Variants in DMXL1 observed in about 807,000 individuals in gnomAD.
The protein encoded by DMXL1 is dmX-like protein 1.
In DMXL1, 99 loss-of-function variants were observed where a neutral mutation model predicts 319.2. The observed-to-expected ratio is 0.31, with a 90% confidence interval of 0.26 to 0.37. DMXL1 has a LOEUF of 0.37. Among genes scored for constraint, DMXL1 ranks in the 10% least tolerant of loss-of-function variants. The probability of loss-of-function intolerance (pLI) is 1.00; values close to 1 mark genes in which losing one functional copy is unlikely to be tolerated. For synonymous variants in DMXL1, 1,385 were observed against 1,235.2 expected, an observed-to-expected ratio of 1.12 and a Z score of -2.54; for missense variants, 3,745 against 3,595.6, an observed-to-expected ratio of 1.04 and a Z score of -1.06.
At chr5:119,228,050 A>T (rs1473862442) in intron 38 of DMXL1, among the ~76,000 whole-genome samples, 1 of 152,250 alleles carries the variant, frequency 6.6e-6, no homozygotes, top group Admixed American at 6.5e-5. Context: ...TTTCAAAACC[A>T]TAATTATTAA....
At chr5:119,123,051 C>T (rs1052347063) in intron 9 of DMXL1, among the ~76,000 whole-genome samples, 70 of 152,208 alleles carry the variant, frequency 4.6e-4, no homozygotes, top group African/African-American at 1.2e-3. Context: ...TCTGCAGTCC[C>T]GGCACCTGGG....
intron 7 of DMXL1, among the ~76,000 whole-genome samples, 191 bp downstream of exon 7, chr5:119,116,527 G>T (rs1371269274): frequency 6.6e-6 from 1 of 152,172 alleles, no homozygotes; most frequent in African/African-American, 2.4e-5. Flanking sequence ...TAGGATAAGA[G>T]CCGTATTAAA....
intron 34 of DMXL1, among the ~76,000 whole-genome samples, chr5:119,208,572 T>A (rs999777897): frequency 6.6e-6 from 1 of 152,210 alleles, no homozygotes; most frequent in Non-Finnish European, 1.5e-5. Flanking sequence ...AAAATGCTAA[T>A]AATCATAATG....
chr5:119,187,068 G>T (rs1777861191), intron 28 of DMXL1, among the ~76,000 whole-genome samples: 1 of 149,022 alleles, frequency 6.7e-6, no homozygotes, highest in South Asian at 2.1e-4. Context: ...AGAACTTAAA[G>T]TATAATTTAA....
At position 119,105,251 on chromosome 5, in the gene DMXL1, T is replaced by A. The variant is rs1758078751; in HGVS notation, c.357T>A (p.Asp119Glu). 6.2e-7 allele frequency: 1 copy of A among 1,611,398 alleles called. No individual in the cohort carries two copies. The highest frequency in any genetic ancestry group is 2.2e-5 in the East Asian group (1 of 44,752). Residue 119 changes from aspartate (D) to glutamate (E), a missense_variant, in exon 4 of 44, where the codon GAT (aspartate) becomes GAA (glutamate). By Grantham distance (45) the Asp-to-Glu change is conservative. Around this residue, in one of 4 missense-constraint regions of DMXL1, gnomAD observed 2,096 missense variants for 1,985.4 expected, o/e 1.06. Coordinates refer to ENST00000539542, the MANE Select transcript of DMXL1 (RefSeq NM_001290321.3). Reference sequence around the variant, plus strand: ...CAATAGCACACAATATAACCTGGGATCCCACAGGTAAGAAAATAAGCAGGA... The same window carrying A: ...CAATAGCACACAATATAACCTGGGAACCCACAGGTAAGAAAATAAGCAGGA... The part of the protein sequence containing the change: ...LESIAHNITW[D>E]PTGSRLLTGS...
chr5:119,158,229 G>A (rs1314660168), intron 19 of DMXL1, among the ~76,000 whole-genome samples: 1 of 148,522 alleles, frequency 6.7e-6, no homozygotes, highest in South Asian at 2.1e-4. Flanking sequence ...TTTTTAAGTA[G>A]CAATGATTAA....
rs1402014757 is a variant in DMXL1 at position 119,080,148 on chromosome 5, G to A, written c.87+8492G>A. Among the ~76,000 whole-genome samples, 3 of 152,160 alleles carry A rather than the reference G, an allele frequency of 2.0e-5. No individual in the cohort carries two copies. The East Asian group carries it at 5.8e-4, about 29-fold the overall frequency. ...GATTGCTTGAGGTCAGGAGTTCTAG[G>A]CCAGCCTGGCCAACATGATGAAACC... On this transcript the variant is annotated intron_variant, in intron 1 of 43. Coordinates refer to ENST00000539542, the MANE Select transcript of DMXL1 (RefSeq NM_001290321.3).
intron 36 of DMXL1, 68 bp from the exon 37 acceptor site, chr5:119,220,872 A>G: frequency 6.5e-7 from 1 of 1,543,538 alleles, no homozygotes. Context: ...TTCAAATTTT[A>G]GACCTTTCAA....
At chr5:119,216,656 A>G (rs528644150) in intron 34 of DMXL1, among the ~76,000 whole-genome samples, 2 of 152,234 alleles carry the variant, frequency 1.3e-5, no homozygotes, top group Non-Finnish European at 2.9e-5. Flanking sequence ...GAGGATAGCC[A>G]CTTAATGAAG....
chr5:119,089,414 T>A (rs556820593), intron 1 of DMXL1, among the ~76,000 whole-genome samples: 76 of 146,746 alleles, frequency 5.2e-4, no homozygotes, highest in African/African-American at 1.5e-3. Context: ...CAAGCAGTTT[T>A]CATGCCTCAG....
chr5:119,078,634 C>T (rs896261302), intron 1 of DMXL1, among the ~76,000 whole-genome samples: 5 of 151,862 alleles, frequency 3.3e-5, no homozygotes, highest in South Asian at 2.1e-4. Flanking sequence ...TTATTTTATG[C>T]GGAGATGGGG....
Position 119,237,382 on chromosome 5 carries a change from C to G in DMXL1, c.8527C>G (p.Pro2843Ala). ...SLYQTNWKCC[P>A]VTGSMPKPYL... ...GTATCAAACAAACTGGAAATGTTGT[C>G]CAGTTACTGGAAGCATGCCTAAGCC... The change falls in exon 40 of 44, where the codon CCA becomes GCA. Residue 2843 changes from proline to alanine, a missense_variant. Pro to Ala is a conservative substitution (Grantham distance 27, BLOSUM62 -1). Around this residue, in one of 4 missense-constraint regions of DMXL1, gnomAD observed 262 missense variants for 320.5 expected, o/e 0.82. Transcript: ENST00000539542. 6.2e-7 allele frequency: 1 copy of G among 1,604,754 alleles called. No homozygotes were observed. Among genetic ancestry groups the G allele is most frequent in the Non-Finnish European group, 8.5e-7 (1 of 1,173,894 alleles).
intron 1 of DMXL1, among the ~76,000 whole-genome samples, chr5:119,093,476 A>G (rs1218130756): frequency 6.6e-6 from 1 of 152,026 alleles, no homozygotes; most frequent in East Asian, 1.9e-4. Flanking sequence ...ATGATCAGTG[A>G]TCTTTGTTAC....
At chr5:119,111,914 A>G (rs1370635426) in intron 5 of DMXL1, among the ~76,000 whole-genome samples, 2 of 152,242 alleles carry the variant, frequency 1.3e-5, no homozygotes, top group African/African-American at 2.4e-5. Context: ...TGTTTAGAGA[A>G]ATAGGTGCTC....
chr5:119,206,798 T>C, intron 33 of DMXL1, 36 bp from the exon 34 acceptor site: 1 of 1,343,646 alleles, frequency 7.4e-7, no homozygotes. Flanking sequence ...ATCTCATCTT[T>C]ACTCTTTGTC....
chr5:119,163,159 A>C (rs535592587), intron 19 of DMXL1, among the ~76,000 whole-genome samples: 1 of 152,200 alleles, frequency 6.6e-6, no homozygotes, highest in Admixed American at 6.5e-5. Context: ...ACTGTGTGCC[A>C]GATTCTATTC....
intron 38 of DMXL1, among the ~76,000 whole-genome samples, chr5:119,228,918 A>G (rs1387171338): frequency 6.6e-6 from 1 of 152,124 alleles, no homozygotes; most frequent in Non-Finnish European, 1.5e-5. Context: ...TAGATATTTT[A>G]ATATTGAAAT....
intron 18 of DMXL1, among the ~76,000 whole-genome samples, chr5:119,150,914 G>A (rs1328586347): frequency 6.7e-6 from 1 of 150,116 alleles, no homozygotes; most frequent in Non-Finnish European, 1.5e-5. Context: ...TATTTATCCT[G>A]TAAATCATAG....
chr5:119,237,955 A>G (rs1395589587), intron 40 of DMXL1, among the ~76,000 whole-genome samples: 1 of 152,040 alleles, frequency 6.6e-6, no homozygotes, highest in Non-Finnish European at 1.5e-5. Flanking sequence ...TTCCTATCAG[A>G]AAAAAAGTTA....
Sources: allele counts gnomAD v4.1 joint callset (sites outside exome capture counted in the v4.1 genomes callset), GRCh38; gene constraint gnomAD v4.1.1; regional missense constraint gnomAD v4.1.1; transcripts MANE v1.5; gene names NCBI Gene and HGNC (gene_info 2026-07-23, HGNC 2026-07-21).